Variants in SEPTIN9 observed in about 807,000 individuals in gnomAD.
SEPTIN9 encodes septin 9.
Under a neutral mutation model 56.6 loss-of-function variants are expected in SEPTIN9, and 13 were observed. That is an observed-to-expected ratio of 0.23 (90% confidence interval 0.15 to 0.37). The LOEUF (loss-of-function observed/expected upper bound fraction) is 0.37. SEPTIN9 is among the 10% of genes least tolerant of loss of function. The pLI, the probability that SEPTIN9 is intolerant of heterozygous loss-of-function variation, is 1.00. For synonymous variants in SEPTIN9, 332 were observed against 334.1 expected (o/e 0.99, Z 0.07); for missense variants, 650 against 823.1 (o/e 0.79, Z 2.57).
chr17:77,401,671 G>A (rs1301024103), intron 2 of SEPTIN9, among the ~76,000 whole-genome samples: 1 of 151,868 alleles, frequency 6.6e-6, no homozygotes, highest in Non-Finnish European at 1.5e-5. Context: ...GCTTGAACCC[G>A]GGAGGTGCCG....
intron 3 of SEPTIN9, among the ~76,000 whole-genome samples, chr17:77,430,658 C>T (rs968487710): frequency 6.6e-6 from 1 of 152,206 alleles, no homozygotes; most frequent in African/African-American, 2.4e-5. Flanking sequence ...AACTTTTCAT[C>T]TGCTTGGCCA....
At chr17:77,348,672 C>G (rs553897248) in intron 2 of SEPTIN9, among the ~76,000 whole-genome samples, 1 of 152,224 alleles carries the variant, frequency 6.6e-6, no homozygotes, top group South Asian at 2.1e-4. Context: ...ATTGCACATT[C>G]TTAGCTTTTC....
intron 2 of SEPTIN9, among the ~76,000 whole-genome samples, chr17:77,347,323 A>G (rs2143787359): frequency 6.6e-6 from 1 of 151,472 alleles, no homozygotes; most frequent in Non-Finnish European, 1.5e-5. Flanking sequence ...GGTTGCAGTG[A>G]GCCGAGATTG....
At chr17:77,401,690 C>T (rs1038257645) in intron 2 of SEPTIN9, among the ~76,000 whole-genome samples, 9 of 151,578 alleles carry the variant, frequency 5.9e-5, no homozygotes, top group Non-Finnish European at 1.2e-4. Context: ...CGCTGCACTC[C>T]AGCCAGGGCA....
At chr17:77,303,046 G>C (rs554791495) in intron 1 of SEPTIN9, among the ~76,000 whole-genome samples, 1 of 151,998 alleles carries the variant, frequency 6.6e-6, no homozygotes, top group Non-Finnish European at 1.5e-5. Flanking sequence ...TGGGTCCCCG[G>C]ACTCCTGCCT....
At chr17:77,394,692 A>T (rs1199713404) in intron 2 of SEPTIN9, among the ~76,000 whole-genome samples, 1 of 152,056 alleles carries the variant, frequency 6.6e-6, no homozygotes, top group Non-Finnish European at 1.5e-5. Flanking sequence ...CCCTCCCCAG[A>T]CTGAGGCCTG....
intron 1 of SEPTIN9, among the ~76,000 whole-genome samples, chr17:77,300,344 A>G (rs2031983765): frequency 2.0e-5 from 1 of 50,158 alleles, no homozygotes; most frequent in African/African-American, 3.8e-5. Context: ...GAATAAATTG[A>G]CTTTGATCCA....
At chr17:77,466,066 A>T (rs1325985837) in intron 3 of SEPTIN9, among the ~76,000 whole-genome samples, 9 of 130,484 alleles carry the variant, frequency 6.9e-5, no homozygotes, top group African/African-American at 2.8e-4. Flanking sequence ...ACACACACAC[A>T]CACACACACA....
At chr17:77,408,941 G>A (rs1165853849) in intron 3 of SEPTIN9, among the ~76,000 whole-genome samples, 4 of 152,152 alleles carry the variant, frequency 2.6e-5, no homozygotes, top group East Asian at 1.9e-4. Context: ...CTTGGTAAGC[G>A]TCGAGGGACT....
chr17:77,486,550 ATTTG>A (rs2039801036), intron 4 of SEPTIN9, among the ~76,000 whole-genome samples: 4 of 137,600 alleles, frequency 2.9e-5, no homozygotes, highest in African/African-American at 8.6e-5. Flanking sequence ...GTTATATGTG[ATTTG>A]TTTGTGTGTG....
rs117704695 is a variant in SEPTIN9, at chr17:77,414,240, G to A, written c.721+11537G>A. Reference sequence around the variant, plus strand: ...ATTACAGACATGTACCACTACGCCCGGCTAATTTTGTATTTTTAGTAGAGA... The same window carrying A: ...ATTACAGACATGTACCACTACGCCCAGCTAATTTTGTATTTTTAGTAGAGA... On this transcript the variant is annotated intron_variant, in intron 3 of 11. Coordinates refer to ENST00000427177, the MANE Select transcript of SEPTIN9 (RefSeq NM_001113491.2). Among the ~76,000 whole-genome samples, 329 of 151,950 alleles carry A rather than the reference G, an allele frequency of 2.2e-3. 1 individual carries two copies. The highest frequency in any genetic ancestry group is 0.021 in the Middle Eastern group (6 of 292).
rs2032846883 is a variant in SEPTIN9 at position 77,319,967 on chromosome 17, C to T, written c.76+12770C>T. On this transcript the variant is annotated intron_variant, in intron 2 of 11. Transcript: ENST00000427177. The surrounding 1 kb of genome is among the most constrained non-coding windows in gnomAD (Gnocchi z 5.3). Reference sequence around the variant, plus strand: ...CCGACCAGACCGGGCGGCCGGGACTCTGGGACTCTCGCAGGCAGACCCGGT... The same window carrying T: ...CCGACCAGACCGGGCGGCCGGGACTTTGGGACTCTCGCAGGCAGACCCGGT... The T allele has an allele frequency of 3.4e-5, 40 of 1,193,832 alleles. No homozygotes were observed. The highest frequency in any genetic ancestry group is 4.1e-5 in the Admixed American group (1 of 24,228). 74.0% of individuals were successfully genotyped at this position (1,193,832 alleles called of 1,614,324 possible). A position where few individuals can be genotyped will look rare whatever the true frequency, so the allele number is the denominator to read the frequency against.
At chr17:77,303,645 C>T (rs2032151557) in intron 1 of SEPTIN9, among the ~76,000 whole-genome samples, 1 of 151,856 alleles carries the variant, frequency 6.6e-6, no homozygotes, top group African/African-American at 2.4e-5. Flanking sequence ...CGTGCCACTG[C>T]AGTCCAACCT....
intron 3 of SEPTIN9, among the ~76,000 whole-genome samples, chr17:77,422,001 A>G (rs1178556844): frequency 6.7e-6 from 1 of 148,550 alleles, no homozygotes; most frequent in Non-Finnish European, 1.5e-5. Context: ...GGTGTGTGCC[A>G]CCATGCCTGG....
intron 1 of SEPTIN9, among the ~76,000 whole-genome samples, chr17:77,301,017 CACCCCAGCTCAAACCGCCCT>C: frequency 7.2e-6 from 1 of 138,384 alleles, no homozygotes; most frequent in Non-Finnish European, 1.6e-5. Context: ...AAAGCGCCCC[CACCCCAGCTCAAACCGCCCT>C]ATCCCAGGCT....
intron 10 of SEPTIN9, among the ~76,000 whole-genome samples, chr17:77,493,765 C>CTTTTTTTTTTT (rs35829686): frequency 5.4e-5 from 6 of 111,446 alleles, no homozygotes; most frequent in Non-Finnish European, 8.8e-5. Context: ...CCTCCTCTTC[C>CTTTTTTTTTTT]TTTTTTTTTT....
chr17:77,386,647 T>G (rs977174429), intron 2 of SEPTIN9, among the ~76,000 whole-genome samples: 1 of 152,150 alleles, frequency 6.6e-6, no homozygotes, highest in Non-Finnish European at 1.5e-5. Context: ...AGGTGTGGCC[T>G]GGGAGGGGCT....
intron 2 of SEPTIN9, among the ~76,000 whole-genome samples, chr17:77,394,763 C>A (rs1044316327): frequency 6.6e-6 from 1 of 152,164 alleles, no homozygotes; most frequent in African/African-American, 2.4e-5. Context: ...TGCCAGGCAG[C>A]CTGTGGTCAG....
intron 2 of SEPTIN9, among the ~76,000 whole-genome samples, chr17:77,341,937 G>T (rs1202170615): frequency 2.0e-5 from 3 of 151,486 alleles, no homozygotes; most frequent in African/African-American, 7.3e-5. Flanking sequence ...GAAAAAAATA[G>T]CCGGGCGTGG....
Sources: allele counts gnomAD v4.1 joint callset (sites outside exome capture counted in the v4.1 genomes callset), GRCh38; gene constraint gnomAD v4.1.1; non-coding constraint Gnocchi (gnomAD v3.1); transcripts MANE v1.5; gene names NCBI Gene and HGNC (gene_info 2026-07-23, HGNC 2026-07-21).